SETBP1: variants seen among roughly 807,000 people sequenced by gnomAD.
The protein encoded by SETBP1 is SET-binding protein.
SETBP1 carries 9 observed loss-of-function variants against 101.0 expected under a neutral mutation model. The ratio of observed to expected loss-of-function variants is 0.09; its 90% CI spans 0.05 to 0.16. SETBP1 has a LOEUF of 0.16. SETBP1 is among the 10% of genes least tolerant of loss of function. SETBP1 has a pLI of 1.00. For missense variants in SETBP1, 1,858 were observed against 2,033.8 expected (o/e 0.91, Z 1.66); for synonymous variants, 818 against 788.5 (o/e 1.04, Z -0.63).
At chr18:44,837,213 T>C (rs182842416) in intron 2 of SETBP1, among the ~76,000 whole-genome samples, 170 of 152,306 alleles carry the variant, frequency 1.1e-3, no homozygotes, top group Middle Eastern at 3.4e-3. Context: ...ACACTGTCCA[T>C]ATAAGGCAAG....
intron 1 of SETBP1, among the ~76,000 whole-genome samples, chr18:44,685,067 T>G (rs2068814773): frequency 6.6e-6 from 1 of 152,186 alleles, no homozygotes; most frequent in African/African-American, 2.4e-5. Context: ...TAGGATCCTC[T>G]GGGAGGTAGC....
At chr18:44,708,378 C>T (rs1420338373) in intron 2 of SETBP1, among the ~76,000 whole-genome samples, 1 of 152,178 alleles carries the variant, frequency 6.6e-6, no homozygotes, top group Non-Finnish European at 1.5e-5. Flanking sequence ...GATGAGGTCT[C>T]CATAGCATTT....
At chr18:44,689,848 A>G (rs780282995) in intron 1 of SETBP1, among the ~76,000 whole-genome samples, 2 of 152,170 alleles carry the variant, frequency 1.3e-5, no homozygotes, top group Non-Finnish European at 2.9e-5. Flanking sequence ...GACAGATGGG[A>G]TGGTGTCCTG....
intron 3 of SETBP1, among the ~76,000 whole-genome samples, chr18:44,948,535 G>GATAGATGATAT (rs1568232410): frequency 2.5e-4 from 38 of 149,862 alleles, no homozygotes; most frequent in African/African-American, 9.3e-4. Flanking sequence ...ATAGATGATA[G>GATAGATGATAT]ATAGATATTA....
At chr18:44,812,211 C>G (rs554173780) in intron 2 of SETBP1, among the ~76,000 whole-genome samples, 1 of 152,078 alleles carries the variant, frequency 6.6e-6, no homozygotes, top group Non-Finnish European at 1.5e-5. Context: ...CATGCACACC[C>G]CCACTTGTCC....
Position 44,949,867 on chromosome 18 carries a change from C to G in SETBP1, c.541-14C>G, listed in dbSNP as rs772765053. The G allele has an allele frequency of 1.2e-5, 20 of 1,601,976 alleles. No homozygotes were observed. On this transcript the variant is annotated splice_polypyrimidine_tract_variant and intron_variant, in intron 3 of 5. Transcript: ENST00000649279. Reference sequence around the variant, plus strand: ...CTCTCTGTCTCTCTCCCTCTCCACTCCACCCACCCTTAGGCTTACGAGAGG... The same window carrying G: ...CTCTCTGTCTCTCTCCCTCTCCACTGCACCCACCCTTAGGCTTACGAGAGG...
chr18:44,708,157 C>A (rs1188080740), intron 2 of SETBP1, among the ~76,000 whole-genome samples: 1 of 152,204 alleles, frequency 6.6e-6, no homozygotes, highest in Non-Finnish European at 1.5e-5. Flanking sequence ...CTCCTCCACA[C>A]AAGTGGGTGG....
rs114242385 is a variant in SETBP1 at position 44,734,096 on chromosome 18, G to T, written c.486+32264G>T. ...TGAAAATCAGACCCTGTTGAGGCCT[G>T]GTCCAGGGGCTTTCTAGTACACTAG... On this transcript the variant is annotated intron_variant, in intron 2 of 5. Coordinates refer to ENST00000649279, the MANE Select transcript of SETBP1 (RefSeq NM_015559.3). 4.3e-3 allele frequency among the ~76,000 whole-genome samples: 652 copies of T among 152,278 alleles called. 4 individuals are homozygous for T. Among genetic ancestry groups the T allele is most frequent in the African/African-American group, 0.015 (608 of 41,548 alleles).
chr18:45,016,318 CA>C (rs1303431380), intron 4 of SETBP1, among the ~76,000 whole-genome samples: 13 of 152,218 alleles, frequency 8.5e-5, no homozygotes, highest in Non-Finnish European at 1.9e-4. Context: ...AGCCAGGGTG[CA>C]ACTGAGAAAC....
Position 44,840,361 on chromosome 18 carries a change from G to C in SETBP1, c.487-28869G>C, listed in dbSNP as rs553772731. ...CCAGCAGTGACATGGCGCTACCTCT[G>C]CAAGGGGCTCATGCTTAGTGGCATA... On this transcript the variant is annotated intron_variant, in intron 2 of 5. Transcript: ENST00000649279. Among the ~76,000 whole-genome samples, 3 of 152,294 alleles carry C rather than the reference G, an allele frequency of 2.0e-5. No homozygotes were observed. In the South Asian group the frequency reaches 6.2e-4, roughly 32 times the overall value.
At chr18:44,772,753 TCTGTTTAA>T (rs1217289625) in intron 2 of SETBP1, among the ~76,000 whole-genome samples, 2 of 152,178 alleles carry the variant, frequency 1.3e-5, no homozygotes, top group Non-Finnish European at 1.5e-5. Flanking sequence ...AGTTTTCTCA[TCTGTTTAA>T]TGGGATTCGT....
chr18:44,962,285 G>A, intron 4 of SETBP1, among the ~76,000 whole-genome samples: 1 of 152,324 alleles, frequency 6.6e-6, no homozygotes, highest in East Asian at 1.9e-4. Flanking sequence ...AGCAGCATGA[G>A]TGAAGATATT....
At chr18:44,886,773 T>TTAC (rs1388771155) in intron 3 of SETBP1, among the ~76,000 whole-genome samples, 6 of 148,524 alleles carry the variant, frequency 4.0e-5, no homozygotes, top group African/African-American at 1.5e-4. Context: ...ATTATTATTA[T>TTAC]TATTATTATT....
intron 4 of SETBP1, among the ~76,000 whole-genome samples, chr18:44,970,419 G>T (rs2071818328): frequency 6.6e-6 from 1 of 152,158 alleles, no homozygotes; most frequent in Admixed American, 6.6e-5. Flanking sequence ...TACCATAAAT[G>T]TTAGTGGTTA....
intron 2 of SETBP1, among the ~76,000 whole-genome samples, chr18:44,707,999 C>T (rs905218226): frequency 9.9e-5 from 15 of 152,138 alleles, no homozygotes; most frequent in Non-Finnish European, 1.9e-4. Flanking sequence ...ACATTTCTCT[C>T]TTGACCTTTA....
At chr18:45,018,925 G>C (rs1337734191) in intron 4 of SETBP1, among the ~76,000 whole-genome samples, 2 of 152,188 alleles carry the variant, frequency 1.3e-5, no homozygotes, top group Non-Finnish European at 2.9e-5. Flanking sequence ...GAGCAGGAAG[G>C]AACCTAGGAC....
intron 4 of SETBP1, among the ~76,000 whole-genome samples, chr18:45,033,210 T>A (rs1404330140): frequency 6.6e-6 from 1 of 152,194 alleles, no homozygotes; most frequent in Non-Finnish European, 1.5e-5. Context: ...GTTTTTTCCT[T>A]GTGAAAAATA....
chr18:44,711,504 CCTTT>C (rs1382005248), intron 2 of SETBP1, among the ~76,000 whole-genome samples: 2 of 146,948 alleles, frequency 1.4e-5, no homozygotes, highest in South Asian at 2.2e-4. Context: ...TCCCTCTCTC[CCTTT>C]CTTTCTTTCT....
At chr18:44,936,325 A>T (rs2070956176) in intron 3 of SETBP1, among the ~76,000 whole-genome samples, 1 of 152,306 alleles carries the variant, frequency 6.6e-6, no homozygotes, top group Non-Finnish European at 1.5e-5. Context: ...GGAGGCCACC[A>T]AGTCCCTTCT....
Sources: allele counts gnomAD v4.1 joint callset (sites outside exome capture counted in the v4.1 genomes callset), GRCh38; gene constraint gnomAD v4.1.1; transcripts MANE v1.5; gene names NCBI Gene and HGNC (gene_info 2026-07-23, HGNC 2026-07-21).